Variants in GRID2 observed in about 807,000 individuals in gnomAD.
The protein encoded by GRID2 is glutamate receptor ionotropic, delta-2.
In GRID2, 33 loss-of-function variants were observed where a neutral mutation model predicts 114.8. The ratio of observed to expected loss-of-function variants is 0.29; its 90% CI spans 0.22 to 0.38. GRID2 has a LOEUF of 0.38. Ranked by LOEUF, GRID2 falls within the 10% of genes least tolerant of loss-of-function variation. The pLI is 1.00. For missense variants in GRID2, 1,184 were observed against 1,257.7 expected (o/e 0.94, Z 0.89); for synonymous variants, 505 against 449.9 (o/e 1.12, Z -1.55).
chr4:92,656,939 G>A (rs1242236216), intron 2 of GRID2, among the ~76,000 whole-genome samples: 1 of 151,526 alleles, frequency 6.6e-6, no homozygotes, highest in African/African-American at 2.4e-5. Context: ...GGAATATAGA[G>A]GATGCTAAAA....
chr4:92,371,175 C>T (rs533151215), intron 1 of GRID2, among the ~76,000 whole-genome samples: 1 of 152,114 alleles, frequency 6.6e-6, no homozygotes, highest in Non-Finnish European at 1.5e-5. Flanking sequence ...GTAACCATAA[C>T]AAAAAGTACA....
intron 2 of GRID2, among the ~76,000 whole-genome samples, chr4:92,826,033 G>C (rs1741675473): frequency 6.6e-6 from 1 of 152,044 alleles, no homozygotes; most frequent in Non-Finnish European, 1.5e-5. Context: ...AACACAAGTG[G>C]CATCTTGTCA....
chr4:92,916,505 C>T (rs969437751), intron 2 of GRID2, among the ~76,000 whole-genome samples: 1 of 151,906 alleles, frequency 6.6e-6, no homozygotes, highest in African/African-American at 2.4e-5. Context: ...TGCTATGCCT[C>T]CCCCCAGCCC....
intron 2 of GRID2, among the ~76,000 whole-genome samples, chr4:92,885,635 T>G (rs759206752): frequency 6.6e-6 from 1 of 152,194 alleles, no homozygotes; most frequent in Admixed American, 6.5e-5. Context: ...TACCCCCGTT[T>G]TTATTGTTTG....
chr4:92,579,435 C>T (rs76917492), intron 1 of GRID2, among the ~76,000 whole-genome samples: 4,490 of 151,932 alleles, frequency 0.03, 96 homozygotes, highest in Middle Eastern at 0.06. Context: ...AAATTAAGAA[C>T]ACAGTTTGAA....
chr4:92,925,756 A>G (rs1288972346), intron 2 of GRID2, among the ~76,000 whole-genome samples: 1 of 152,040 alleles, frequency 6.6e-6, no homozygotes, highest in Non-Finnish European at 1.5e-5. Context: ...ATAGTAACAT[A>G]GTTTTAAAAG....
chr4:92,500,484 T>C (rs1200844755), intron 1 of GRID2, among the ~76,000 whole-genome samples: 1 of 152,168 alleles, frequency 6.6e-6, no homozygotes, highest in Non-Finnish European at 1.5e-5. Context: ...CTGAATTCCC[T>C]TGTTGTTTAT....
At chr4:93,066,395 A>G (rs1393680886) in intron 2 of GRID2, among the ~76,000 whole-genome samples, 1 of 151,946 alleles carries the variant, frequency 6.6e-6, no homozygotes, top group Admixed American at 6.6e-5. Flanking sequence ...TTGCCTGGAC[A>G]AATTAATATT....
chr4:92,437,404 C>T (rs994439762), intron 1 of GRID2, among the ~76,000 whole-genome samples: 1 of 152,148 alleles, frequency 6.6e-6, no homozygotes, highest in African/African-American at 2.4e-5. Context: ...CTTGGCCTCC[C>T]ATGAAGCTGG....
chr4:93,163,421 G>A (rs533534896), intron 4 of GRID2, among the ~76,000 whole-genome samples: 1,324 of 108,544 alleles, frequency 0.012, 30 homozygotes, highest in African/African-American at 0.05. Flanking sequence ...ATACATACAT[G>A]TATATTTTCT....
At chr4:93,780,007 C>T (rs1561001057) in intron 1 of GRID2, among the ~76,000 whole-genome samples, 1 of 152,112 alleles carries the variant, frequency 6.6e-6, no homozygotes, top group Admixed American at 6.5e-5. Context: ...TGGGGATACA[C>T]CAGTAAGCAA....
At chr4:92,703,097 C>A (rs1734764350) in intron 2 of GRID2, among the ~76,000 whole-genome samples, 1 of 152,064 alleles carries the variant, frequency 6.6e-6, no homozygotes, top group South Asian at 2.1e-4. Context: ...TTAAGCTTAG[C>A]AAGGAAGACT....
chr4:93,295,704 C>A (rs1754228921), intron 8 of GRID2, among the ~76,000 whole-genome samples: 1 of 152,066 alleles, frequency 6.6e-6, no homozygotes, highest in Non-Finnish European at 1.5e-5. Context: ...TGAATCAGAC[C>A]CATCCAGATG....
At chr4:92,911,244 A>G (rs1251675396) in intron 2 of GRID2, among the ~76,000 whole-genome samples, 1 of 152,068 alleles carries the variant, frequency 6.6e-6, no homozygotes, top group African/African-American at 2.4e-5. Flanking sequence ...AATACAAATT[A>G]TTGTATTTAG....
intron 1 of GRID2, among the ~76,000 whole-genome samples, chr4:92,413,830 A>G (rs1731453398): frequency 6.6e-6 from 1 of 152,152 alleles, no homozygotes; most frequent in Non-Finnish European, 1.5e-5. Context: ...TTTGAAAGAT[A>G]AATGGATTTT....
intron 9 of GRID2, among the ~76,000 whole-genome samples, chr4:93,418,654 C>T (rs904545880): frequency 3.3e-5 from 5 of 151,966 alleles, no homozygotes; most frequent in Non-Finnish European, 5.9e-5. Flanking sequence ...AGGTTTCTAC[C>T]ATTACTTTTA....
intron 4 of GRID2, among the ~76,000 whole-genome samples, chr4:93,196,480 T>C (rs1741504227): frequency 6.6e-6 from 1 of 152,184 alleles, no homozygotes; most frequent in Non-Finnish European, 1.5e-5. Context: ...ATCAACATTT[T>C]ATGCCACTCT....
At chr4:92,705,213 AG>A (rs1384589500) in intron 2 of GRID2, among the ~76,000 whole-genome samples, 24 of 152,182 alleles carry the variant, frequency 1.6e-4, no homozygotes, top group African/African-American at 5.5e-4. Flanking sequence ...CTAAACCAAA[AG>A]AAAAAAATCC....
intron 2 of GRID2, among the ~76,000 whole-genome samples, chr4:93,078,526 TTC>T (rs1729543051): frequency 6.6e-6 from 1 of 151,038 alleles, no homozygotes; most frequent in Non-Finnish European, 1.5e-5. Flanking sequence ...TATATATGTG[TTC>T]TTTGAAGAAT....
Sources: allele counts gnomAD v4.1 joint callset (sites outside exome capture counted in the v4.1 genomes callset), GRCh38; gene constraint gnomAD v4.1.1; transcripts MANE v1.5; gene names NCBI Gene and HGNC (gene_info 2026-07-23, HGNC 2026-07-21).